DLG2: variants seen among roughly 807,000 people sequenced by gnomAD.
DLG2 encodes discs large MAGUK scaffold protein 2, also known as disks large homolog 2.
A neutral mutation model predicts 132.5 loss-of-function variants in DLG2; 45 were observed. The ratio of observed to expected loss-of-function variants is 0.34; its 90% CI spans 0.27 to 0.44. The LOEUF is 0.44. DLG2 is among the 20% of genes least tolerant of loss of function. The pLI is 1.00. For missense variants in DLG2, 1,045 were observed against 1,196.9 expected (o/e 0.87, Z 1.87); for synonymous variants, 424 against 419.6 (o/e 1.01, Z -0.13).
intron 6 of DLG2, among the ~76,000 whole-genome samples, chr11:84,543,162 C>T (rs1591977078): frequency 6.6e-6 from 1 of 152,166 alleles, no homozygotes; most frequent in Non-Finnish European, 1.5e-5. Flanking sequence ...GAAATGAATT[C>T]TCTGAATGAT....
At chr11:84,614,538 G>A (rs2099600766) in intron 6 of DLG2, among the ~76,000 whole-genome samples, 1 of 152,272 alleles carries the variant, frequency 6.6e-6, no homozygotes, top group East Asian at 1.9e-4. Context: ...AGAGAAAGCA[G>A]ATTAAATCTG....
At chr11:85,344,548 T>C (rs2082703050) in intron 3 of DLG2, among the ~76,000 whole-genome samples, 1 of 152,202 alleles carries the variant, frequency 6.6e-6, no homozygotes, top group South Asian at 2.1e-4. Flanking sequence ...CTCTGAACTT[T>C]TATTCAGTAA....
At chr11:84,890,872 A>T (rs1027235891) in intron 6 of DLG2, 1 of 152,260 alleles carries the variant, frequency 6.6e-6, no homozygotes, top group Non-Finnish European at 1.5e-5. Flanking sequence ...ATCCTCAGAC[A>T]TACTCTGCAC....
chr11:84,315,514 G>C (rs1215731317), intron 7 of DLG2, among the ~76,000 whole-genome samples: 1 of 152,100 alleles, frequency 6.6e-6, no homozygotes. Flanking sequence ...ACATTTAAAT[G>C]AATGTATTTG....
chr11:85,074,780 G>T (rs2066309770), intron 6 of DLG2, among the ~76,000 whole-genome samples: 3 of 151,832 alleles, frequency 2.0e-5, no homozygotes, highest in African/African-American at 7.2e-5. Flanking sequence ...GAGGAACCAT[G>T]ACTGTTACCT....
intron 7 of DLG2, among the ~76,000 whole-genome samples, chr11:84,319,276 A>G (rs567187914): frequency 6.6e-6 from 1 of 152,296 alleles, no homozygotes; most frequent in East Asian, 1.9e-4. Flanking sequence ...GGGTCGAAGA[A>G]AACCCTAGAG....
At chr11:84,344,200 G>C (rs2098528703) in intron 7 of DLG2, among the ~76,000 whole-genome samples, 1 of 152,158 alleles carries the variant, frequency 6.6e-6, no homozygotes, top group Non-Finnish European at 1.5e-5. Flanking sequence ...TAAAGTGACC[G>C]AGCCAACAGA....
chr11:83,736,706 C>A (rs982711148), intron 18 of DLG2, among the ~76,000 whole-genome samples: 5 of 152,008 alleles, frequency 3.3e-5, no homozygotes. Context: ...GTGCCTGTTT[C>A]TTCTCTAGAG....
intron 2 of DLG2, among the ~76,000 whole-genome samples, chr11:85,605,776 C>T (rs749532606): frequency 1.3e-5 from 2 of 152,124 alleles, no homozygotes; most frequent in Non-Finnish European, 2.9e-5. Flanking sequence ...GTCAGGAGAT[C>T]GAGACCAGCC....
chr11:85,044,724 C>T (rs1297122422), intron 6 of DLG2, among the ~76,000 whole-genome samples: 1 of 151,916 alleles, frequency 6.6e-6, no homozygotes, highest in Non-Finnish European at 1.5e-5. Context: ...TCTGTGTAAC[C>T]CATCAGAAAA....
At chr11:85,467,988 G>A (rs2092852588) in intron 3 of DLG2, among the ~76,000 whole-genome samples, 1 of 152,108 alleles carries the variant, frequency 6.6e-6, no homozygotes, top group African/African-American at 2.4e-5. Flanking sequence ...CAATTTCACA[G>A]CCTGTTATTG....
intron 9 of DLG2, among the ~76,000 whole-genome samples, chr11:84,141,584 T>A (rs961371376): frequency 2.0e-5 from 3 of 152,132 alleles, no homozygotes; most frequent in Admixed American, 2.0e-4. Flanking sequence ...AATTTAGCCC[T>A]TTAGGGCCTT....
At chr11:84,000,665 T>G (rs1453937270) in intron 11 of DLG2, among the ~76,000 whole-genome samples, 1 of 152,112 alleles carries the variant, frequency 6.6e-6, no homozygotes, top group Non-Finnish European at 1.5e-5. Context: ...AAAATTGGTT[T>G]CTCAGTAGAA....
intron 7 of DLG2, among the ~76,000 whole-genome samples, chr11:84,501,838 T>C (rs2099206679): frequency 6.6e-6 from 1 of 152,094 alleles, no homozygotes; most frequent in Non-Finnish European, 1.5e-5. Flanking sequence ...GGAAAATAAA[T>C]GATATAGTAG....
intron 19 of DLG2, among the ~76,000 whole-genome samples, chr11:83,614,224 T>A (rs139279594): frequency 2.2e-4 from 34 of 152,338 alleles, no homozygotes; most frequent in African/African-American, 7.9e-4. Context: ...GACTGAGTAC[T>A]TTTATCCTTG....
At chr11:85,450,522 T>C (rs1290638510) in intron 3 of DLG2, among the ~76,000 whole-genome samples, 1 of 152,190 alleles carries the variant, frequency 6.6e-6, no homozygotes, top group Non-Finnish European at 1.5e-5. Context: ...CCCACAGACT[T>C]CCTTTACTTA....
chr11:84,053,078 C>G (rs1231538594), intron 11 of DLG2, among the ~76,000 whole-genome samples: 3 of 152,106 alleles, frequency 2.0e-5, no homozygotes, highest in Non-Finnish European at 4.4e-5. Flanking sequence ...GAATACTATG[C>G]AGCCATAAAA....
At chr11:83,601,510 C>CGTTTTTT (rs2058538849) in intron 19 of DLG2, among the ~76,000 whole-genome samples, 1 of 94,538 alleles carries the variant, frequency 1.1e-5, no homozygotes, top group South Asian at 4.2e-4. Context: ...ATGTGATGTT[C>CGTTTTTT]TTTTTTTTTT....
intron 3 of DLG2, among the ~76,000 whole-genome samples, chr11:85,546,545 C>G (rs1294345672): frequency 6.6e-6 from 1 of 152,056 alleles, no homozygotes; most frequent in Non-Finnish European, 1.5e-5. Context: ...CCTGGATATC[C>G]TTGTAATTTT....
Sources: gnomAD v4.1 joint callset for allele counts (sites outside exome capture counted in the v4.1 genomes callset) on GRCh38, gnomAD v4.1.1 for gene constraint, MANE v1.5 for transcripts, NCBI Gene and HGNC (gene_info 2026-07-23, HGNC 2026-07-21) for gene names.